MYOM2: variants seen among roughly 807,000 people sequenced by gnomAD.
MYOM2 encodes myomesin-2.
MYOM2 carries 254 observed loss-of-function variants against 187.6 expected under a neutral mutation model. That is an observed-to-expected ratio of 1.35 (90% CI 1.22 to 1.50). MYOM2 has a LOEUF of 1.50. MYOM2 is among the 40% of genes most tolerant of loss of function. MYOM2 has a pLI of 0.00. For missense variants in MYOM2, 2,796 were observed against 1,924.0 expected (o/e 1.45, Z -8.48); for synonymous variants, 981 against 753.8 (o/e 1.30, Z -4.94).
At chr8:2,120,735 C>G (rs991313483) in intron 28 of MYOM2, among the ~76,000 whole-genome samples, 15 of 65,296 alleles carry the variant, frequency 2.3e-4, no homozygotes, top group African/African-American at 8.5e-4. Flanking sequence ...TGCTTACTGT[C>G]TCTTAAATCA....
intron 32 of MYOM2, among the ~76,000 whole-genome samples, chr8:2,135,332 G>A (rs745350556): frequency 6.6e-5 from 10 of 152,154 alleles, no homozygotes; most frequent in Non-Finnish European, 1.3e-4. Flanking sequence ...CGTTCTGGGT[G>A]GTAAGCAATT....
intron 23 of MYOM2, among the ~76,000 whole-genome samples, chr8:2,107,242 C>T (rs1294855060): frequency 2.0e-5 from 3 of 152,120 alleles, no homozygotes; most frequent in Non-Finnish European, 4.4e-5. Flanking sequence ...CACAGGACAG[C>T]GTCAGCCTTA....
intron 12 of MYOM2, 104 bp downstream of exon 12, chr8:2,079,037 AT>A: frequency 8.9e-7 from 1 of 1,120,626 alleles, no homozygotes; most frequent in Non-Finnish European, 1.3e-6. Context: ...AGCCCTGAGA[AT>A]GCCCTGTGTG....
intron 31 of MYOM2, 97 bp downstream of exon 31, chr8:2,124,314 G>A: frequency 1.6e-6 from 2 of 1,224,786 alleles, no homozygotes; most frequent in Non-Finnish European, 2.4e-6. Flanking sequence ...GCACCATGGA[G>A]CTGTGGTGCG....
intron 35 of MYOM2, among the ~76,000 whole-genome samples, chr8:2,143,050 C>T (rs2116927046): frequency 6.6e-6 from 1 of 152,198 alleles, no homozygotes; most frequent in Middle Eastern, 3.4e-3. Flanking sequence ...GCCACTGCGC[C>T]TGGCCAGGAC....
At chr8:2,099,108 G>T in intron 19 of MYOM2, 125 bp downstream of exon 19, 1 of 1,272,340 alleles carries the variant, frequency 7.9e-7, no homozygotes, top group Non-Finnish European at 1.1e-6. Context: ...ACCCGCAGCC[G>T]CAGAGCCACC....
chr8:2,118,187 G>T (rs879578890), intron 28 of MYOM2, among the ~76,000 whole-genome samples: 2 of 152,150 alleles, frequency 1.3e-5, no homozygotes, highest in Non-Finnish European at 2.9e-5. Flanking sequence ...GGATGCAATG[G>T]AAGGTTGGAT....
chr8:2,122,671 C>G (rs1797496985), intron 28 of MYOM2, among the ~76,000 whole-genome samples: 2 of 152,184 alleles, frequency 1.3e-5, no homozygotes, highest in South Asian at 4.1e-4. Context: ...TCCCTCAGAC[C>G]AATGCCGGAG....
chr8:2,047,369 A>G (rs770695035), intron 1 of MYOM2, among the ~76,000 whole-genome samples: 4 of 152,308 alleles, frequency 2.6e-5, no homozygotes, highest in Admixed American at 1.3e-4. Context: ...CGGAGGGGAC[A>G]CACATTCAGG....
chr8:2,109,946 T>C (rs1797014263), intron 25 of MYOM2, among the ~76,000 whole-genome samples: 1 of 152,078 alleles, frequency 6.6e-6, no homozygotes, highest in South Asian at 2.1e-4. Flanking sequence ...AAGGCATCCG[T>C]GGGGAATAAG....
intron 15 of MYOM2, 41 bp from the exon 16 acceptor site, chr8:2,092,305 T>C: frequency 6.2e-7 from 1 of 1,601,446 alleles, no homozygotes; most frequent in Non-Finnish European, 8.5e-7. Context: ...CTTCCAAAGC[T>C]CTGATGCCAT....
chr8:2,120,695 T>TAA (rs1252446431), intron 28 of MYOM2, among the ~76,000 whole-genome samples: 4 of 100,174 alleles, frequency 4.0e-5, no homozygotes, highest in African/African-American at 1.2e-4. Flanking sequence ...TATAAATATA[T>TAA]AATATATATA....
chr8:2,046,751 CTTTTTTT>C (rs574408692), intron 1 of MYOM2, among the ~76,000 whole-genome samples: 151 of 139,524 alleles, frequency 1.1e-3, no homozygotes, highest in Middle Eastern at 3.6e-3. Flanking sequence ...TTTCTTTTTT[CTTTTTTT>C]TTTTTTTGGT....
Position 2,094,058 on chromosome 8 carries a change from G to T in MYOM2, c.2092G>T (p.Glu698Ter). ...NAVGMSENSQ[E>*]SDVIKVQAAL... ...TGTGGGGATGAGTGAAAATTCCCAG[G>T]AATCAGACGTCATAAAAGTGCAGGC... The change falls in exon 17 of 37, where the codon GAA (glutamate) becomes TAA (stop). Residue 698 changes from glutamate to a stop codon, truncating the protein, a stop_gained. Coordinates refer to ENST00000262113, the MANE Select transcript of MYOM2 (RefSeq NM_003970.4). LOFTEE classifies it high-confidence loss of function. The T allele has an allele frequency of 6.2e-7, 1 of 1,614,142 alleles. No homozygotes were observed. Among genetic ancestry groups the T allele is most frequent in the Non-Finnish European group, 8.5e-7 (1 of 1,180,020 alleles).
chr8:2,130,400 G>T (rs1049123104), intron 32 of MYOM2, among the ~76,000 whole-genome samples: 6 of 121,786 alleles, frequency 4.9e-5, no homozygotes, highest in African/African-American at 2.5e-4. Context: ...CCCACACCCC[G>T]CCTTTAGTTA....
Position 2,046,854 on chromosome 8 carries a change from T to C in MYOM2, c.-13+1686T>C, listed in dbSNP as rs191074654. 3.0e-4 allele frequency among the ~76,000 whole-genome samples: 45 copies of C among 151,548 alleles called. No individual in the cohort carries two copies. In the East Asian group the frequency reaches 6.8e-3, roughly 23 times the overall value. On this transcript the variant is annotated intron_variant, in intron 1 of 36. Coordinates refer to ENST00000262113, the MANE Select transcript of MYOM2 (RefSeq NM_003970.4). ...TTTCTATGTAGACAGTAGAGGGACA[T>C]TGGGGAGCTGATCGGCCCAGGTCCT...
intron 32 of MYOM2, among the ~76,000 whole-genome samples, chr8:2,136,637 G>A (rs1292111835): frequency 6.6e-6 from 1 of 152,022 alleles, no homozygotes; most frequent in Admixed American, 6.6e-5. Flanking sequence ...GTGCAGTGGG[G>A]CCCTTATCTC....
intron 3 of MYOM2, among the ~76,000 whole-genome samples, chr8:2,057,048 G>T (rs570683855): frequency 1.3e-5 from 2 of 152,102 alleles, no homozygotes; most frequent in African/African-American, 4.8e-5. Context: ...GCCTCCAAGC[G>T]GTTTGCAGTT....
At chr8:2,078,637 G>C (rs1585863417) in intron 11 of MYOM2, 97 bp from the exon 12 acceptor site, 1 of 1,114,378 alleles carries the variant, frequency 9.0e-7, no homozygotes. Flanking sequence ...ATATTGTCCT[G>C]TTATAATCAG....
Sources: gnomAD v4.1 joint callset for allele counts (sites outside exome capture counted in the v4.1 genomes callset) on GRCh38, gnomAD v4.1.1 for gene constraint, MANE v1.5 for transcripts, NCBI Gene and HGNC (gene_info 2026-07-23, HGNC 2026-07-21) for gene names.